The following PTPN4 variants were observed in gnomAD, a reference collection of about 807,000 sequenced individuals.
PTPN4 encodes tyrosine-protein phosphatase non-receptor type 4.
Under a neutral mutation model 135.5 loss-of-function variants are expected in PTPN4, and 49 were observed. That is an observed-to-expected ratio of 0.36 (90% CI 0.29 to 0.46). The LOEUF (loss-of-function observed/expected upper bound fraction) is 0.46, where lower values mean the gene tolerates loss of function less well. Ranked by LOEUF, PTPN4 falls within the 20% of genes least tolerant of loss-of-function variation. The probability of loss-of-function intolerance (pLI) is 1.00; values close to 1 mark genes in which losing one functional copy is unlikely to be tolerated. For synonymous variants in PTPN4, 333 were observed against 369.9 expected, an observed-to-expected ratio of 0.90 and a Z score of 1.14; for missense variants, 860 against 1,101.0, an observed-to-expected ratio of 0.78 and a Z score of 3.10.
intron 15 of PTPN4, among the ~76,000 whole-genome samples, chr2:119,942,939 A>G (rs138295637): frequency 0.01 from 1,551 of 152,354 alleles, 25 homozygotes; most frequent in Non-Finnish European, 0.011. Flanking sequence ...AGCCCTGGCC[A>G]TTAAGGCAGA....
intron 1 of PTPN4, among the ~76,000 whole-genome samples, chr2:119,762,649 A>G (rs1195370952): frequency 6.6e-6 from 1 of 152,120 alleles, no homozygotes; most frequent in Non-Finnish European, 1.5e-5. Flanking sequence ...TTTTCCAGAA[A>G]CGTGGAAATC....
At chr2:119,896,496 C>T (rs561628789) in intron 9 of PTPN4, among the ~76,000 whole-genome samples, 8 of 152,190 alleles carry the variant, frequency 5.3e-5, no homozygotes, top group Admixed American at 2.6e-4. Flanking sequence ...AATCTAGCAG[C>T]ATGTTCAGAT....
intron 19 of PTPN4, among the ~76,000 whole-genome samples, chr2:119,953,827 C>A (rs1052836748): frequency 6.6e-6 from 1 of 152,056 alleles, no homozygotes; most frequent in Non-Finnish European, 1.5e-5. Context: ...AGATTCATGA[C>A]GCCACAGAGC....
intron 16 of PTPN4, 62 bp from the exon 17 acceptor site, chr2:119,946,279 A>G (rs1259792910): frequency 7.9e-7 from 1 of 1,259,656 alleles, no homozygotes; most frequent in African/African-American, 1.5e-5. Context: ...TGCTTCCTAT[A>G]TATCTGAAGA....
intron 1 of PTPN4, among the ~76,000 whole-genome samples, chr2:119,793,619 T>A (rs1691192545): frequency 6.6e-6 from 1 of 152,138 alleles, no homozygotes; most frequent in African/African-American, 2.4e-5. Flanking sequence ...CATCACAGTT[T>A]ATGTTTAGAG....
intron 12 of PTPN4, among the ~76,000 whole-genome samples, chr2:119,920,618 G>A (rs1465354666): frequency 2.0e-5 from 3 of 152,070 alleles, no homozygotes; most frequent in Admixed American, 6.6e-5. Flanking sequence ...TATAATTATT[G>A]TTTTTTAATT....
chr2:119,780,880 G>A (rs988730265), intron 1 of PTPN4, among the ~76,000 whole-genome samples: 2 of 152,118 alleles, frequency 1.3e-5, no homozygotes, highest in African/African-American at 2.4e-5. Context: ...GTTAAGTCTT[G>A]CCTGAATCAG....
Position 119,817,773 on chromosome 2 carries a change from G to A in PTPN4, c.138+7782G>A, listed in dbSNP as rs1266560627. Among the ~76,000 whole-genome samples the A allele has an allele frequency of 4.6e-5, 7 of 152,220 alleles. No individual in the cohort carries two copies. In the East Asian group the frequency reaches 9.7e-4, roughly 21 times the overall value. On this transcript the variant is annotated intron_variant, in intron 2 of 26. Transcript: ENST00000263708. Reference sequence around the variant, plus strand: ...CTCTGGGTAGTATGACCATGTTAACGATATTGATTCTTCCTATCCATGAGC... The same window carrying A: ...CTCTGGGTAGTATGACCATGTTAACAATATTGATTCTTCCTATCCATGAGC...
intron 13 of PTPN4, among the ~76,000 whole-genome samples, chr2:119,928,563 C>T (rs1347871662): frequency 6.6e-6 from 1 of 152,060 alleles, no homozygotes; most frequent in African/African-American, 2.4e-5. Context: ...CATGAGTTGT[C>T]TTCTAATCAA....
At chr2:119,965,739 A>T (rs559817571) in intron 25 of PTPN4, 94 bp downstream of exon 25, 1 of 1,399,028 alleles carries the variant, frequency 7.1e-7, no homozygotes, top group Non-Finnish European at 9.7e-7. Context: ...TGTTATTGTC[A>T]CTGTAATAAT....
At position 119,982,113 on chromosome 2, in the gene PTPN4, C is replaced by T. The variant is rs1207351446; in HGVS notation, c.*5043C>T. ...AGGGGAAAGTTCAAAGGTTTAACTT[C>T]CTGAAACCTTTTAAACTTTTCAGTG... On this transcript the variant is annotated 3_prime_UTR_variant, in exon 27 of 27. Coordinates refer to ENST00000263708, the MANE Select transcript of PTPN4 (RefSeq NM_002830.4). 1 of 152,124 alleles carries T rather than the reference C, an allele frequency of 6.6e-6. No individual in the cohort carries two copies. Among genetic ancestry groups the T allele is most frequent in the Non-Finnish European group, 1.5e-5 (1 of 67,996 alleles). The allele number at this position is 152,124 out of a possible 1,614,324, so 9.4% of individuals were successfully genotyped here. A position where few individuals can be genotyped will look rare whatever the true frequency, so the allele number is the denominator to read the frequency against.
chr2:119,766,183 C>T (rs534705162), intron 1 of PTPN4, among the ~76,000 whole-genome samples: 2 of 152,236 alleles, frequency 1.3e-5, no homozygotes, highest in East Asian at 3.9e-4. Context: ...TGGCTTATCC[C>T]AACGTGCTAA....
intron 9 of PTPN4, among the ~76,000 whole-genome samples, chr2:119,900,476 T>G (rs190235478): frequency 6.6e-6 from 1 of 152,222 alleles, no homozygotes; most frequent in Admixed American, 6.5e-5. Flanking sequence ...TTGTGGGAAA[T>G]CCTGAGATCC....
chr2:119,837,290 A>G (rs1468013549), intron 2 of PTPN4, among the ~76,000 whole-genome samples: 1 of 151,952 alleles, frequency 6.6e-6, no homozygotes, highest in East Asian at 1.9e-4. Flanking sequence ...CTTCGAGGCA[A>G]TCTGTCTGTG....
intron 2 of PTPN4, among the ~76,000 whole-genome samples, chr2:119,828,838 C>T (rs1309335928): frequency 1.3e-5 from 2 of 152,130 alleles, no homozygotes; most frequent in African/African-American, 2.4e-5. Context: ...AAGTAGAAGG[C>T]TCTACAATAA....
chr2:119,862,581 C>G lies in PTPN4; in HGVS notation c.184C>G (p.Leu62Val), dbSNP rs1317528901. 6.2e-7 allele frequency: 1 copy of G among 1,612,368 alleles called. No homozygotes were observed. The highest frequency in any genetic ancestry group is 8.5e-7 in the Non-Finnish European group (1 of 1,179,352). Residue 62 changes from leucine (L) to valine (V), a missense_variant, in exon 3 of 27, where the codon CTA (leucine) becomes GTA (valine). Leu to Val is a conservative substitution (Grantham distance 32). Coordinates refer to ENST00000263708, the MANE Select transcript of PTPN4 (RefSeq NM_002830.4). Reference sequence around the variant, plus strand: ...CTTGTTGGATGTCGTCTTCAAGCATCTAGATTTGACTGAGCAGGACTATTT... The same window carrying G: ...CTTGTTGGATGTCGTCTTCAAGCATGTAGATTTGACTGAGCAGGACTATTT... ...QVLLDVVFKH[L>V]DLTEQDYFGL...
chr2:119,850,540 C>G (rs947891407), intron 2 of PTPN4, among the ~76,000 whole-genome samples: 1 of 152,176 alleles, frequency 6.6e-6, no homozygotes, highest in African/African-American at 2.4e-5. Flanking sequence ...TATCCCTTGA[C>G]TAGGATCTGG....
chr2:119,862,264 CTT>C (rs1421655706), intron 2 of PTPN4, among the ~76,000 whole-genome samples: 1 of 152,144 alleles, frequency 6.6e-6, no homozygotes, highest in Non-Finnish European at 1.5e-5. Context: ...CATGTGAAGT[CTT>C]TTTTCTCAAC....
intron 15 of PTPN4, among the ~76,000 whole-genome samples, chr2:119,941,766 G>A (rs1201250644): frequency 6.6e-6 from 1 of 152,036 alleles, no homozygotes; most frequent in Admixed American, 6.5e-5. Flanking sequence ...CCCAACCTCA[G>A]CATTTATACT....
Sources: gnomAD v4.1 joint callset for allele counts (sites outside exome capture counted in the v4.1 genomes callset) on GRCh38, gnomAD v4.1.1 for gene constraint, MANE v1.5 for transcripts, NCBI Gene and HGNC (gene_info 2026-07-23, HGNC 2026-07-21) for gene names.